IQGAP2: variants seen among roughly 807,000 people sequenced by gnomAD.
IQGAP2 encodes ras GTPase-activating-like protein IQGAP2.
In IQGAP2, 173 loss-of-function variants were observed where a neutral mutation model predicts 201.3. The observed-to-expected ratio is 0.86, with a 90% CI of 0.76 to 0.98. IQGAP2 has a LOEUF of 0.98. IQGAP2 is among the 50% of genes least tolerant of loss of function. The pLI is 0.00. For missense variants in IQGAP2, 1,687 were observed against 1,864.8 expected (o/e 0.90, Z 1.76); for synonymous variants, 675 against 673.9 (o/e 1.00, Z -0.03).
intron 1 of IQGAP2, among the ~76,000 whole-genome samples, chr5:76,431,350 T>G (rs945142033): frequency 1.3e-5 from 2 of 152,106 alleles, no homozygotes; most frequent in Admixed American, 1.3e-4. Context: ...TTTTATAAAA[T>G]GTAAAGTTTA....
intron 2 of IQGAP2, among the ~76,000 whole-genome samples, chr5:76,556,836 G>A (rs1189486426): frequency 6.6e-6 from 1 of 152,190 alleles, no homozygotes. Flanking sequence ...CTCTAGGCCT[G>A]TGGGCCTTCC....
intron 30 of IQGAP2, among the ~76,000 whole-genome samples, chr5:76,685,635 G>T (rs1039637897): frequency 6.6e-6 from 1 of 152,082 alleles, no homozygotes; most frequent in Non-Finnish European, 1.5e-5. Flanking sequence ...GGGAAACCTG[G>T]GACATTGTCC....
rs369644358 is a variant in IQGAP2 at position 76,671,737 on chromosome 5, G to A, written c.2844-22G>A. The stretch of plus-strand genomic sequence containing the variant: ...TGTATCCATGGAAGCAAACCATTTT[G>A]TTTTGTCTTGGGCTTTTTTAGATCA... On this transcript the variant is annotated intron_variant, in intron 23 of 35. Transcript: ENST00000274364. 37 of 1,449,102 alleles carry A rather than the reference G, an allele frequency of 2.6e-5. No individual in the cohort carries two copies. The African/African-American group carries it at 4.2e-4, about 17-fold the overall frequency. The allele number at this position is 1,449,102 out of a possible 1,614,324, so 89.8% of individuals were successfully genotyped here.
Position 76,493,910 on chromosome 5 carries a change from G to A in IQGAP2, c.146+32241G>A, listed in dbSNP as rs527553832. Among the ~76,000 whole-genome samples the A allele has an allele frequency of 7.2e-5, 11 of 152,272 alleles. No individual in the cohort carries two copies. In the South Asian group the frequency reaches 1.5e-3, roughly 20 times the overall value. On this transcript the variant is annotated intron_variant, in intron 2 of 35. Transcript: ENST00000274364. ...AATATAGTTGCCCCTTGGTATCCTC[G>A]GGGAATTGGCTCCAGGAGCCCCCAC...
In IQGAP2 at chr5:76,527,382, G is replaced by A. The variant is rs112523664; in HGVS notation, c.147-35014G>A. ...GGACCTGAATGACTTCTCCAACTCT[G>A]CCAGGGATCCTTCATTAGCCCTGCA... On this transcript the variant is annotated intron_variant, in intron 2 of 35. Transcript: ENST00000274364. Among the ~76,000 whole-genome samples the A allele has an allele frequency of 6.8e-3, 1,036 of 152,234 alleles. 13 individuals carry two copies. Among genetic ancestry groups the A allele is most frequent in the African/African-American group, 0.022 (906 of 41,536 alleles).
intron 2 of IQGAP2, among the ~76,000 whole-genome samples, chr5:76,490,842 A>G (rs1196554112): frequency 1.3e-5 from 2 of 152,230 alleles, no homozygotes; most frequent in South Asian, 2.1e-4. Flanking sequence ...TGAACAGATT[A>G]AGGCTGTAGG....
chr5:76,647,539 G>T (rs530991236), intron 17 of IQGAP2, among the ~76,000 whole-genome samples: 2 of 100,914 alleles, frequency 2.0e-5, no homozygotes, highest in East Asian at 5.7e-4. Context: ...GGTTTATAAG[G>T]GGTTTCCACT....
At chr5:76,697,656 T>A (rs1234903335) in intron 32 of IQGAP2, among the ~76,000 whole-genome samples, 1 of 152,128 alleles carries the variant, frequency 6.6e-6, no homozygotes, top group Non-Finnish European at 1.5e-5. Flanking sequence ...TCTGAAGAAA[T>A]TGCATTTCTG....
chr5:76,434,509 G>A (rs1752547646), intron 1 of IQGAP2, among the ~76,000 whole-genome samples: 1 of 152,094 alleles, frequency 6.6e-6, no homozygotes, highest in Admixed American at 6.6e-5. Flanking sequence ...CCAAGTTGCT[G>A]CAAAAGACAT....
At chr5:76,676,176 T>G (rs1260919695) in intron 27 of IQGAP2, among the ~76,000 whole-genome samples, 1 of 152,178 alleles carries the variant, frequency 6.6e-6, no homozygotes, top group African/African-American at 2.4e-5. Flanking sequence ...CTGTTATTCC[T>G]ATCAGTCATT....
intron 1 of IQGAP2, among the ~76,000 whole-genome samples, chr5:76,429,860 GACACACACAC>G (rs56031811): frequency 1.4e-5 from 2 of 144,522 alleles, no homozygotes; most frequent in African/African-American, 2.6e-5. Context: ...AGGAGACACA[GACACACACAC>G]ACACACACAC....
intron 4 of IQGAP2, 60 bp downstream of exon 4, chr5:76,570,717 T>A: frequency 9.2e-7 from 1 of 1,091,740 alleles, no homozygotes; most frequent in Non-Finnish European, 1.4e-6. Context: ...CACAAACATC[T>A]CTTTATGAGC....
intron 2 of IQGAP2, among the ~76,000 whole-genome samples, chr5:76,528,382 G>A (rs138214604): frequency 9.9e-5 from 15 of 152,122 alleles, no homozygotes; most frequent in Non-Finnish European, 1.9e-4. Context: ...ATAATTCTTA[G>A]CAAAGCACCA....
chr5:76,609,385 A>G (rs1031480174), intron 12 of IQGAP2, among the ~76,000 whole-genome samples: 1 of 152,232 alleles, frequency 6.6e-6, no homozygotes, highest in South Asian at 2.1e-4. Context: ...TACAGATAAT[A>G]TAACCTGCAC....
chr5:76,655,034 G>A lies in IQGAP2; in HGVS notation c.2320+31G>A, dbSNP rs766084655. The A allele has an allele frequency of 4.6e-6, 7 of 1,530,316 alleles. No individual in the cohort carries two copies. In the Admixed American group the frequency reaches 6.7e-5, roughly 15 times the overall value. 94.8% of individuals were successfully genotyped at this position (1,530,316 alleles called of 1,614,324 possible). A position where few individuals can be genotyped will look rare whatever the true frequency, so the allele number is the denominator to read the frequency against. On this transcript the variant is annotated intron_variant, in intron 20 of 35. Coordinates refer to ENST00000274364, the MANE Select transcript of IQGAP2 (RefSeq NM_006633.5). ...TGAGAGCTTTCTGAAACAAAGCAAG[G>A]ATTTTTTATAAACCAGGCAAGGACA...
At chr5:76,578,383 G>A (rs1745611056) in intron 5 of IQGAP2, among the ~76,000 whole-genome samples, 1 of 151,944 alleles carries the variant, frequency 6.6e-6, no homozygotes, top group Non-Finnish European at 1.5e-5. Flanking sequence ...TGCAATCTCA[G>A]CTCACTGCAA....
chr5:76,531,310 A>G (rs1759275586), intron 2 of IQGAP2, among the ~76,000 whole-genome samples: 1 of 152,152 alleles, frequency 6.6e-6, no homozygotes, highest in African/African-American at 2.4e-5. Context: ...TCTGTTGCCC[A>G]TGTTGGAGTG....
rs780155939 is a variant in IQGAP2, at chr5:76,570,638, A to G, written c.362A>G (p.Glu121Gly). 1 of 1,613,208 alleles carries G rather than the reference A, an allele frequency of 6.2e-7. No homozygotes were observed. Among genetic ancestry groups the G allele is most frequent in the Non-Finnish European group, 8.5e-7 (1 of 1,179,274 alleles). Residue 121 changes from glutamate to glycine, a missense_variant, in exon 4 of 36, where the codon GAG (glutamate) becomes GGG (glycine). Glu to Gly is a moderately conservative substitution (Grantham distance 98). Coordinates refer to ENST00000274364, the MANE Select transcript of IQGAP2 (RefSeq NM_006633.5). ...DNTVQWLRAM[E>G]SIGLPKIFYP... ...ACCGTCCAGTGGTTAAGAGCGATGG[A>G]GTCTATTGGTCTACCCAAGGTAAGC...
At chr5:76,696,853 C>A (rs1200669451) in intron 32 of IQGAP2, among the ~76,000 whole-genome samples, 1 of 68,852 alleles carries the variant, frequency 1.5e-5, no homozygotes, top group Non-Finnish European at 3.5e-5. Context: ...TGAAGAATTT[C>A]TATTTAATGA....
Sources: gnomAD v4.1 joint callset for allele counts (sites outside exome capture counted in the v4.1 genomes callset) on GRCh38, gnomAD v4.1.1 for gene constraint, MANE v1.5 for transcripts, NCBI Gene and HGNC (gene_info 2026-07-23, HGNC 2026-07-21) for gene names.